IL1RAPL1: variants seen among roughly 807,000 people sequenced by gnomAD.
IL1RAPL1 encodes interleukin 1 receptor accessory protein like 1.
A neutral mutation model predicts 48.4 loss-of-function variants in IL1RAPL1; 3 were observed. The ratio of observed to expected loss-of-function variants is 0.06; its 90% CI spans 0.03 to 0.16. IL1RAPL1 has a LOEUF of 0.16. Ranked by LOEUF, IL1RAPL1 falls within the 10% of genes least tolerant of loss-of-function variation. The probability of loss-of-function intolerance (pLI) is 1.00; values close to 1 mark genes in which losing one functional copy is unlikely to be tolerated. For synonymous variants in IL1RAPL1, 185 were observed against 187.7 expected (o/e 0.99, Z 0.12); for missense variants, 349 against 530.6 (o/e 0.66, Z 3.36).
intron 5 of IL1RAPL1, among the ~76,000 whole-genome samples, chrX:29,534,786 G>A (rs1921161105): frequency 9.1e-6 from 1 of 110,160 alleles, no homozygotes; most frequent in African/African-American, 3.3e-5. Context: ...GGCTAACACG[G>A]TGAAACCCCA....
At chrX:28,954,832 T>C (rs767377333) in intron 2 of IL1RAPL1, among the ~76,000 whole-genome samples, 2 of 111,658 alleles carry the variant, frequency 1.8e-5, no homozygotes, top group Non-Finnish European at 3.8e-5. Context: ...ATAAAGGATA[T>C]TGGGAGAAAT....
chrX:29,656,631 T>TTA (rs763501932), intron 5 of IL1RAPL1, among the ~76,000 whole-genome samples: 2,071 of 103,946 alleles, frequency 0.02, 16 homozygotes, highest in Non-Finnish European at 0.029. Flanking sequence ...GTATTTCATT[T>TTA]TATATATATA....
intron 2 of IL1RAPL1, among the ~76,000 whole-genome samples, chrX:29,164,567 A>G (rs189417559): frequency 4.2e-4 from 47 of 111,642 alleles, no homozygotes; most frequent in African/African-American, 1.4e-3. Context: ...TCATGTCCAC[A>G]TACTATAAGA....
chrX:29,417,698 T>C (rs1055927422), intron 5 of IL1RAPL1, among the ~76,000 whole-genome samples: 3 of 111,554 alleles, frequency 2.7e-5, no homozygotes, highest in Non-Finnish European at 5.6e-5. Context: ...AATACAACTT[T>C]TGTGAATATT....
chrX:28,751,172 T>C (rs985346615), intron 1 of IL1RAPL1, among the ~76,000 whole-genome samples: 3 of 111,973 alleles, frequency 2.7e-5, no homozygotes, highest in Non-Finnish European at 5.6e-5. Context: ...AGAGATCTTT[T>C]GACTCTTAAA....
chrX:29,690,601 A>G (rs978055161), intron 6 of IL1RAPL1, among the ~76,000 whole-genome samples: 1 of 112,070 alleles, frequency 8.9e-6, no homozygotes, highest in Admixed American at 9.5e-5. Context: ...TGGAATTTAA[A>G]AAAAAATTTA....
intron 8 of IL1RAPL1, among the ~76,000 whole-genome samples, chrX:29,920,705 G>A (rs1932837859): frequency 9.9e-6 from 1 of 101,353 alleles, no homozygotes; most frequent in East Asian, 3.3e-4. Context: ...TGAGGCAGGA[G>A]AATCACTTGA....
chrX:29,232,706 T>C (rs1468676759), intron 2 of IL1RAPL1, among the ~76,000 whole-genome samples: 2 of 112,422 alleles, frequency 1.8e-5, no homozygotes, highest in Non-Finnish European at 3.8e-5. Flanking sequence ...AGAAAAAAGA[T>C]TGTAGGAGAG....
intron 2 of IL1RAPL1, among the ~76,000 whole-genome samples, chrX:28,859,487 T>G (rs1921887479): frequency 9.0e-6 from 1 of 111,138 alleles, no homozygotes; most frequent in South Asian, 3.8e-4. Context: ...CTGGATCTCT[T>G]GACCTCGTGA....
chrX:28,835,423 G>C (rs1295381604), intron 2 of IL1RAPL1, among the ~76,000 whole-genome samples: 2 of 111,407 alleles, frequency 1.8e-5, no homozygotes, highest in African/African-American at 3.3e-5. Flanking sequence ...AATGGCACTT[G>C]CTGGGTGAGC....
chrX:29,438,804 G>C (rs1436484743), intron 5 of IL1RAPL1, among the ~76,000 whole-genome samples: 1 of 110,711 alleles, frequency 9.0e-6, no homozygotes, highest in Non-Finnish European at 1.9e-5. Flanking sequence ...CTAGGTATAT[G>C]ATCCATGGGA....
intron 6 of IL1RAPL1, among the ~76,000 whole-genome samples, chrX:29,681,779 G>T (rs1926459189): frequency 9.0e-6 from 1 of 111,698 alleles, no homozygotes; most frequent in African/African-American, 3.3e-5. Flanking sequence ...TGTCATCAGA[G>T]TCGAGAGTTG....
intron 2 of IL1RAPL1, among the ~76,000 whole-genome samples, chrX:29,055,513 A>G (rs1569227737): frequency 1.8e-5 from 2 of 111,738 alleles, no homozygotes; most frequent in Admixed American, 1.9e-4. Context: ...GTAATATTGG[A>G]TGGGTACTGA....
chrX:29,902,967 A>G (rs946420935), intron 6 of IL1RAPL1, among the ~76,000 whole-genome samples: 7 of 111,490 alleles, frequency 6.3e-5, no homozygotes, highest in African/African-American at 2.0e-4. Flanking sequence ...TTCAGCAATC[A>G]CATCCTCAAC....
chrX:29,795,998 A>G (rs976527556), intron 6 of IL1RAPL1, among the ~76,000 whole-genome samples: 1 of 112,578 alleles, frequency 8.9e-6, no homozygotes, highest in Non-Finnish European at 1.9e-5. Context: ...GAGATACATT[A>G]TGACCACTGA....
chrX:29,213,204 G>C (rs1817588956), intron 2 of IL1RAPL1, among the ~76,000 whole-genome samples: 1 of 110,940 alleles, frequency 9.0e-6, no homozygotes, highest in African/African-American at 3.3e-5. Context: ...CTCCATGTTG[G>C]TCAGGCTAGT....
rs183206735 is a variant in IL1RAPL1 at position 29,602,218 on chromosome X, T to G, written c.704-66212T>G. 4.5e-3 allele frequency among the ~76,000 whole-genome samples: 467 copies of G among 103,119 alleles called. 68 individuals are homozygous for G. The highest frequency in any genetic ancestry group is 0.019 in the African/African-American group (439 of 22,868). 89.5% of individuals were successfully genotyped at this position (103,119 alleles called of 115,157 possible). A position where few individuals can be genotyped will look rare whatever the true frequency, so the allele number is the denominator to read the frequency against. ...GGCTGATCTCAAACTCCTGACCTCA[T>G]GTGATCCACCTGCCTCGGCCTTCCA... On this transcript the variant is annotated intron_variant, in intron 5 of 10. Coordinates refer to ENST00000378993, the MANE Select transcript of IL1RAPL1 (RefSeq NM_014271.4).
chrX:29,855,751 T>G (rs1379372431), intron 6 of IL1RAPL1, among the ~76,000 whole-genome samples: 2 of 110,047 alleles, frequency 1.8e-5, no homozygotes, highest in South Asian at 3.9e-4. Context: ...AATATCCATA[T>G]GTTAAAATGT....
At chrX:29,107,438 T>G (rs1928470685) in intron 2 of IL1RAPL1, among the ~76,000 whole-genome samples, 2 of 112,247 alleles carry the variant, frequency 1.8e-5, no homozygotes, top group African/African-American at 6.5e-5. Flanking sequence ...GAAAACACTT[T>G]GCATTTGAGA....
Sources: gnomAD v4.1 joint callset for allele counts (sites outside exome capture counted in the v4.1 genomes callset) on GRCh38, gnomAD v4.1.1 for gene constraint, MANE v1.5 for transcripts, NCBI Gene and HGNC (gene_info 2026-07-23, HGNC 2026-07-21) for gene names.